Variants in SYNE2 observed in about 807,000 individuals in gnomAD.
SYNE2 encodes the protein nesprin-2.
A neutral mutation model predicts 856.3 loss-of-function variants in SYNE2; 431 were observed. The observed-to-expected ratio is 0.50, with a 90% confidence interval of 0.47 to 0.55. The LOEUF (loss-of-function observed/expected upper bound fraction) is 0.55, where lower values mean the gene tolerates loss of function less well. Ranked by LOEUF, SYNE2 falls within the 20% of genes least tolerant of loss-of-function variation. The pLI, the probability that SYNE2 is intolerant of heterozygous loss-of-function variation, is 0.00. For missense variants in SYNE2, 8,129 were observed against 8,023.2 expected (o/e 1.01, Z -0.50); for synonymous variants, 2,923 against 2,872.3 (o/e 1.02, Z -0.56).
intron 1 of SYNE2, among the ~76,000 whole-genome samples, chr14:63,794,067 C>T (rs78990767): frequency 0.01 from 1,591 of 152,124 alleles, 31 homozygotes; most frequent in African/African-American, 0.036. Flanking sequence ...TACAGATTTG[C>T]TTAGAAAAAA....
intron 107 of SYNE2, 132 bp from the exon 108 acceptor site, chr14:64,216,116 G>T: frequency 6.4e-7 from 1 of 1,555,504 alleles, no homozygotes. Context: ...GGGACATACT[G>T]ACATTTTGCA....
At chr14:64,142,223 T>C in intron 82 of SYNE2, 135 bp downstream of exon 82, 1 of 1,049,086 alleles carries the variant, frequency 9.5e-7, no homozygotes, top group South Asian at 1.4e-5. Flanking sequence ...GGGTGGTGGA[T>C]GATTCTGGAG....
chr14:64,003,378 G>A (rs750554057), intron 30 of SYNE2, 48 bp downstream of exon 30: 1 of 1,611,008 alleles, frequency 6.2e-7, no homozygotes, highest in East Asian at 2.2e-5. Flanking sequence ...ACATCTTTCT[G>A]TATTTTCACT....
At chr14:64,099,967 A>T (rs1425958259) in intron 63 of SYNE2, 1 of 152,080 alleles carries the variant, frequency 6.6e-6, no homozygotes, top group Non-Finnish European at 1.5e-5. Flanking sequence ...TGACCCAGCC[A>T]TCCCATTACT....
intron 55 of SYNE2, among the ~76,000 whole-genome samples, chr14:64,079,124 C>T (rs933193729): frequency 6.6e-6 from 1 of 152,032 alleles, no homozygotes; most frequent in Admixed American, 6.5e-5. Context: ...CTTCTGAGAG[C>T]CTGTGATTGT....
At chr14:63,842,818 A>G (rs946199544) in intron 1 of SYNE2, among the ~76,000 whole-genome samples, 10 of 152,164 alleles carry the variant, frequency 6.6e-5, no homozygotes, top group South Asian at 2.1e-4. Flanking sequence ...GCCTTATCCA[A>G]GAACAAAGGA....
At chr14:64,204,917 A>AT (rs979506718) in intron 100 of SYNE2, among the ~76,000 whole-genome samples, 2 of 152,076 alleles carry the variant, frequency 1.3e-5, no homozygotes, top group Admixed American at 6.5e-5. Context: ...GGGAGAATCC[A>AT]TTTTTTTGCT....
chr14:64,106,729 G>A (rs1217793822), intron 64 of SYNE2, among the ~76,000 whole-genome samples: 1 of 152,128 alleles, frequency 6.6e-6, no homozygotes, highest in African/African-American at 2.4e-5. Context: ...ATCTTTTGTG[G>A]TGCATATTAT....
In SYNE2 at chr14:64,209,526, A is replaced by G; in HGVS notation, c.18488A>G (p.Asn6163Ser). Residue 6163 changes from asparagine to serine, a missense_variant, in exon 102 of 116, where the codon AAT becomes AGT. Coordinates refer to ENST00000555002, the MANE Select transcript of SYNE2 (RefSeq NM_182914.3). ...KSAERTAACP[N>S]SSEVLYTSAK... Reference sequence around the variant, plus strand: ...GCTGAGAGGACGGCAGCCTGCCCAAATTCCTCAGAGGTGTTGTACACGAGT... The same window carrying G: ...GCTGAGAGGACGGCAGCCTGCCCAAGTTCCTCAGAGGTGTTGTACACGAGT... 13 of 1,614,246 alleles carry G rather than the reference A, an allele frequency of 8.1e-6. No homozygotes were observed. The highest frequency in any genetic ancestry group is 1.0e-5 in the Non-Finnish European group (12 of 1,180,052).
chr14:64,051,341 C>G (rs908980365), intron 47 of SYNE2, among the ~76,000 whole-genome samples: 1 of 151,376 alleles, frequency 6.6e-6, no homozygotes, highest in Non-Finnish European at 1.5e-5. Context: ...AAGTAAAAGC[C>G]AAGATACTCA....
chr14:64,195,376 A>T (rs930366327), intron 99 of SYNE2, among the ~76,000 whole-genome samples: 5 of 152,148 alleles, frequency 3.3e-5, no homozygotes, highest in Admixed American at 2.6e-4. Flanking sequence ...TTCTCTCCTG[A>T]ATTTCTCTCT....
intron 1 of SYNE2, among the ~76,000 whole-genome samples, chr14:63,862,634 A>G (rs1212952226): frequency 6.6e-6 from 1 of 152,224 alleles, no homozygotes; most frequent in Admixed American, 6.5e-5. Context: ...TATAGATAAT[A>G]TTCTAGAATA....
At chr14:63,862,630 T>A (rs1378850382) in intron 1 of SYNE2, among the ~76,000 whole-genome samples, 2 of 152,218 alleles carry the variant, frequency 1.3e-5, no homozygotes. Context: ...TACTTATAGA[T>A]AATATTCTAG....
intron 109 of SYNE2, 104 bp from the exon 110 acceptor site, chr14:64,219,104 G>GTTTTTTTTTTTTTTTTTTTTTT: frequency 9.8e-6 from 4 of 407,786 alleles, no homozygotes; most frequent in Non-Finnish European, 4.0e-6. Context: ...CAGTTTTTTT[G>GTTTTTTTTTTTTTTTTTTTTTT]TTTTTTTTTT....
intron 1 of SYNE2, among the ~76,000 whole-genome samples, chr14:63,883,825 G>A (rs898888562): frequency 1.3e-5 from 2 of 150,416 alleles, no homozygotes; most frequent in Non-Finnish European, 2.9e-5. Context: ...TATAAATGTA[G>A]CCTTGGTTAT....
chr14:63,916,555 A>G (rs1193658395), intron 2 of SYNE2, among the ~76,000 whole-genome samples: 3 of 152,188 alleles, frequency 2.0e-5, no homozygotes, highest in East Asian at 1.9e-4. Flanking sequence ...GCCATTTTCT[A>G]TATTAAAAAA....
chr14:64,182,097 A>C (rs1233447748), intron 96 of SYNE2, among the ~76,000 whole-genome samples: 2 of 152,196 alleles, frequency 1.3e-5, no homozygotes, highest in Non-Finnish European at 2.9e-5. Flanking sequence ...GGTAGTACAG[A>C]GAAATGGGAC....
intron 89 of SYNE2, among the ~76,000 whole-genome samples, chr14:64,163,859 T>C (rs2098349644): frequency 6.6e-6 from 1 of 152,238 alleles, no homozygotes; most frequent in African/African-American, 2.4e-5. Context: ...CTGAGTCAAG[T>C]AATTGAGCCA....
In SYNE2 at chr14:64,030,190, G is replaced by C. The variant is rs2097021600; in HGVS notation, c.6879+131G>C. ...ATGACTCTTAGGTAATTAAAGCTCT[G>C]ACCAGTCATAATAAATGAGAATGTC... On this transcript the variant is annotated intron_variant, in intron 44 of 115. Transcript: ENST00000555002. The C allele has an allele frequency of 5.6e-6, 5 of 891,486 alleles. No homozygotes were observed. The East Asian group carries it at 1.3e-4, about 23-fold the overall frequency. 55.2% of individuals were successfully genotyped at this position (891,486 alleles called of 1,614,324 possible). A position where few individuals can be genotyped will look rare whatever the true frequency, so the allele number is the denominator to read the frequency against.
Sources: allele counts gnomAD v4.1 joint callset (sites outside exome capture counted in the v4.1 genomes callset), GRCh38; gene constraint gnomAD v4.1.1; transcripts MANE v1.5; gene names NCBI Gene and HGNC (gene_info 2026-07-23, HGNC 2026-07-21).